GNAO1: variants seen among roughly 807,000 people sequenced by gnomAD.
The protein encoded by GNAO1 is guanine nucleotide-binding protein G(o) subunit alpha.
For missense variants in GNAO1, 166 were observed against 478.7 expected (o/e 0.35, Z 6.10); for synonymous variants, 164 against 180.7 (o/e 0.91, Z 0.74).
At chr16:56,198,614 G>T (rs538452324) in intron 2 of GNAO1, among the ~76,000 whole-genome samples, 34 of 152,292 alleles carry the variant, frequency 2.2e-4, no homozygotes, top group Middle Eastern at 3.4e-3. Context: ...TGTAAAATGG[G>T]ACTGATAATG....
At chr16:56,231,925 G>T (rs572123860) in intron 2 of GNAO1, among the ~76,000 whole-genome samples, 14 of 152,206 alleles carry the variant, frequency 9.2e-5, no homozygotes, top group African/African-American at 3.1e-4. Flanking sequence ...CGTCCCTGTG[G>T]CCACCTGTCA....
chr16:56,217,186 TC>T (rs1261261983), intron 2 of GNAO1, among the ~76,000 whole-genome samples: 3 of 152,248 alleles, frequency 2.0e-5, no homozygotes, highest in Admixed American at 1.3e-4. Context: ...TTTCGAGTTT[TC>T]CTAATAAATA....
chr16:56,348,139 A>T, intron 6 of GNAO1: 1 of 969,464 alleles, frequency 1.0e-6, no homozygotes, highest in Non-Finnish European at 1.2e-6. Context: ...GTAATAATTT[A>T]TTGGCTGCCA....
chr16:56,285,447 C>A (rs1458532372), intron 3 of GNAO1, among the ~76,000 whole-genome samples: 2 of 152,118 alleles, frequency 1.3e-5, no homozygotes, highest in South Asian at 2.1e-4. Flanking sequence ...GGGAACTGAC[C>A]GCCTCCCCTC....
chr16:56,313,303 GT>G (rs1252807568), intron 3 of GNAO1, among the ~76,000 whole-genome samples: 3 of 151,536 alleles, frequency 2.0e-5, no homozygotes, highest in African/African-American at 7.3e-5. Context: ...TAAGCATTTT[GT>G]TTATGTAGGT....
At chr16:56,238,152 G>T (rs1175934191) in intron 2 of GNAO1, among the ~76,000 whole-genome samples, 1 of 133,820 alleles carries the variant, frequency 7.5e-6, no homozygotes, top group Non-Finnish European at 1.5e-5. Context: ...TTTTTCAGCA[G>T]GCCTGCTGCA....
chr16:56,284,000 A>G (rs750060986), intron 3 of GNAO1, among the ~76,000 whole-genome samples: 18 of 152,342 alleles, frequency 1.2e-4, no homozygotes, highest in Non-Finnish European at 2.6e-4. Flanking sequence ...AGCTTCCTGC[A>G]TCACAGCTCA....
intron 2 of GNAO1, among the ~76,000 whole-genome samples, chr16:56,196,807 A>G (rs1364430305): frequency 2.0e-5 from 3 of 152,240 alleles, no homozygotes; most frequent in African/African-American, 4.8e-5. Context: ...GTACCTGCTT[A>G]GTGCCATTTT....
rs181632540 is a variant in GNAO1 at position 56,243,132 on chromosome 16, C to T, written c.162-32799C>T. 1.4e-3 allele frequency among the ~76,000 whole-genome samples: 219 copies of T among 151,768 alleles called. 2 individuals are homozygous for T. The highest frequency in any genetic ancestry group is 0.014 in the Middle Eastern group (4 of 294). On this transcript the variant is annotated intron_variant, in intron 2 of 8. Coordinates refer to ENST00000262493, the MANE Select transcript of GNAO1 (RefSeq NM_020988.3). The stretch of plus-strand genomic sequence containing the variant: ...ACCCCTAGACGGGACCATCTAGTTG[C>T]AGGAAAACAAGCTCAGGGCTCCCAC...
intron 6 of GNAO1, chr16:56,347,454 G>A: frequency 1.0e-6 from 1 of 985,556 alleles, no homozygotes; most frequent in Non-Finnish European, 1.2e-6. Flanking sequence ...CCACCCCTCA[G>A]CAAGAAGAGT....
At chr16:56,225,654 CAG>C (rs1442522949) in intron 2 of GNAO1, among the ~76,000 whole-genome samples, 25 of 152,188 alleles carry the variant, frequency 1.6e-4, no homozygotes, top group African/African-American at 3.6e-4. Flanking sequence ...ATCAATAAAA[CAG>C]GGGTATAAAA....
Position 56,336,774 on chromosome 16 carries a change from A to T in GNAO1, c.637A>T (p.Ile213Phe). 6.2e-7 allele frequency: 1 copy of T among 1,613,746 alleles called. No individual in the cohort carries two copies. Residue 213 changes from isoleucine to phenylalanine, a missense_variant, in exon 6 of 9, where the codon ATC (isoleucine) becomes TTC (phenylalanine). By Grantham distance (21) the Ile-to-Phe change is conservative (BLOSUM62 0). Coordinates refer to ENST00000262493, the MANE Select transcript of GNAO1 (RefSeq NM_020988.3). ...GGQRSERKKW[I>F]HCFEDVTAII... ...CCAGCGATCTGAACGCAAGAAGTGGATCCATTGCTTCGAGGACGTCACGGC... is the reference window on the plus strand; with the variant it reads ...CCAGCGATCTGAACGCAAGAAGTGGTTCCATTGCTTCGAGGACGTCACGGC...
intron 3 of GNAO1, chr16:56,276,663 T>C (rs1333060886): frequency 6.6e-6 from 1 of 152,456 alleles, no homozygotes; most frequent in East Asian, 1.9e-4. Flanking sequence ...ATGGAATAAG[T>C]ACTATATAAA....
In GNAO1 at chr16:56,328,611, C is replaced by T. The variant is rs1262855759; in HGVS notation, c.304-20C>T. The T allele has an allele frequency of 2.5e-6, 4 of 1,610,282 alleles. No homozygotes were observed. In the South Asian group the frequency reaches 4.4e-5, roughly 18 times the overall value. ...GTCCCCACCAAAGCGTCAAAGCCCA[C>T]CATCCACCTCTCCTCACAGGCTGAC... is the stretch of plus-strand genomic sequence containing the variant. On this transcript the variant is annotated intron_variant, in intron 3 of 8. Coordinates refer to ENST00000262493, the MANE Select transcript of GNAO1 (RefSeq NM_020988.3).
At chr16:56,315,998 G>T (rs1402427196) in intron 3 of GNAO1, among the ~76,000 whole-genome samples, 1 of 152,018 alleles carries the variant, frequency 6.6e-6, no homozygotes, top group Non-Finnish European at 1.5e-5. Context: ...GGCGGAGGTT[G>T]CAGTAGGCCA....
chr16:56,216,145 A>G (rs1338224482), intron 2 of GNAO1, among the ~76,000 whole-genome samples: 2 of 152,228 alleles, frequency 1.3e-5, no homozygotes, highest in Non-Finnish European at 2.9e-5. Context: ...CAAAGGAAAC[A>G]TCATCTTGGT....
intron 2 of GNAO1, among the ~76,000 whole-genome samples, chr16:56,258,647 G>T (rs1422068180): frequency 6.6e-6 from 1 of 152,236 alleles, no homozygotes; most frequent in Non-Finnish European, 1.5e-5. Context: ...CTTCCCTGTG[G>T]GGTGGTGTCA....
At chr16:56,318,550 GT>G (rs1343140087) in intron 3 of GNAO1, among the ~76,000 whole-genome samples, 1 of 152,202 alleles carries the variant, frequency 6.6e-6, no homozygotes. Flanking sequence ...CCAGATGGAG[GT>G]TTTTCCCTGC....
At chr16:56,208,064 A>G (rs945139287) in intron 2 of GNAO1, among the ~76,000 whole-genome samples, 3 of 152,074 alleles carry the variant, frequency 2.0e-5, no homozygotes, top group Non-Finnish European at 4.4e-5. Context: ...TGCATCCTCT[A>G]ATCATTTAGT....
Sources: allele counts gnomAD v4.1 joint callset (sites outside exome capture counted in the v4.1 genomes callset), GRCh38; gene constraint gnomAD v4.1.1; transcripts MANE v1.5; gene names NCBI Gene and HGNC (gene_info 2026-07-23, HGNC 2026-07-21).